The following ADAMTSL1 variants were observed in gnomAD, a reference collection of about 807,000 sequenced individuals.
The protein encoded by ADAMTSL1 is ADAMTS like 1, also known as ADAMTS-like protein 1.
Under a neutral mutation model 201.8 loss-of-function variants are expected in ADAMTSL1, and 126 were observed. The ratio of observed to expected loss-of-function variants is 0.62; its 90% confidence interval spans 0.54 to 0.72. The LOEUF is 0.72. Ranked by LOEUF, ADAMTSL1 falls within the 30% of genes least tolerant of loss-of-function variation. ADAMTSL1 has a pLI of 0.00. For synonymous variants in ADAMTSL1, 1,121 were observed against 903.4 expected (o/e 1.24, Z -4.32); for missense variants, 2,679 against 2,277.8 (o/e 1.18, Z -3.59).
intron 1 of ADAMTSL1, among the ~76,000 whole-genome samples, chr9:17,959,025 T>A (rs1357048525): frequency 1.3e-5 from 2 of 152,208 alleles, no homozygotes; most frequent in Non-Finnish European, 2.9e-5. Context: ...TAAAGTTTTC[T>A]GCCTGTGGGA....
At chr9:18,663,326 T>C (rs1013585073) in intron 9 of ADAMTSL1, among the ~76,000 whole-genome samples, 4 of 152,140 alleles carry the variant, frequency 2.6e-5, no homozygotes, top group African/African-American at 9.7e-5. Context: ...ATTTTATAAT[T>C]GTAAAATTTA....
intron 1 of ADAMTSL1, among the ~76,000 whole-genome samples, chr9:17,975,491 C>T (rs538865788): frequency 1.9e-3 from 293 of 152,112 alleles, no homozygotes; most frequent in Non-Finnish European, 3.6e-3. Flanking sequence ...GCACTAATAC[C>T]ATTCGTGAGG....
intron 15 of ADAMTSL1, among the ~76,000 whole-genome samples, chr9:18,739,149 C>T (rs983615508): frequency 5.9e-5 from 9 of 152,334 alleles, no homozygotes; most frequent in African/African-American, 2.2e-4. Flanking sequence ...GTTCTTACAG[C>T]AGTACCCAGC....
At chr9:18,532,430 C>A (rs761609247) in intron 2 of ADAMTSL1, among the ~76,000 whole-genome samples, 2 of 152,114 alleles carry the variant, frequency 1.3e-5, no homozygotes, top group Non-Finnish European at 2.9e-5. Context: ...ACCATACTAT[C>A]ATTTATCAAA....
At chr9:18,156,659 CACAT>C (rs893866319) in intron 1 of ADAMTSL1, among the ~76,000 whole-genome samples, 16 of 145,668 alleles carry the variant, frequency 1.1e-4, no homozygotes, top group Non-Finnish European at 2.1e-4. Context: ...CACACACACA[CACAT>C]GCTTTGAAGA....
intron 16 of ADAMTSL1, among the ~76,000 whole-genome samples, chr9:18,764,587 G>A (rs963796546): frequency 3.9e-5 from 6 of 152,162 alleles, no homozygotes; most frequent in Non-Finnish European, 7.4e-5. Context: ...GAGCTGGCAG[G>A]CATTGCTCAT....
rs1373095288 is a variant in ADAMTSL1, at chr9:18,051,173, C to T, written c.88-112689C>T. 5.3e-5 allele frequency among the ~76,000 whole-genome samples: 8 copies of T among 152,116 alleles called. No homozygotes were observed. The East Asian group carries it at 7.8e-4, about 15-fold the overall frequency. On this transcript the variant is annotated intron_variant, in intron 1 of 29. Transcript: ENST00000680146. Reference sequence around the variant, plus strand: ...AAAATTAGCCGGGTGTGGTGGCGGGCGCCTGTAGCCCCAGCTACTTGGGAG... The same window carrying T: ...AAAATTAGCCGGGTGTGGTGGCGGGTGCCTGTAGCCCCAGCTACTTGGGAG...
At chr9:18,738,014 C>T (rs750845183) in intron 15 of ADAMTSL1, among the ~76,000 whole-genome samples, 3 of 152,166 alleles carry the variant, frequency 2.0e-5, no homozygotes, top group East Asian at 1.9e-4. Flanking sequence ...GTACCTACCT[C>T]ATAGGGGTTT....
intron 23 of ADAMTSL1, among the ~76,000 whole-genome samples, chr9:18,885,754 G>C (rs758568542): frequency 9.9e-5 from 15 of 152,126 alleles, no homozygotes; most frequent in Non-Finnish European, 1.8e-4. Flanking sequence ...CAAAAATGAA[G>C]GGGAAAAAAA....
chr9:18,236,270 C>G (rs184064832), intron 2 of ADAMTSL1, among the ~76,000 whole-genome samples: 5 of 152,234 alleles, frequency 3.3e-5, no homozygotes, highest in Admixed American at 6.5e-5. Flanking sequence ...CGGGGTTTCA[C>G]TAAGTTGGCC....
chr9:18,578,002 T>C (rs1358850956), intron 4 of ADAMTSL1, among the ~76,000 whole-genome samples: 2 of 144,486 alleles, frequency 1.4e-5, no homozygotes, highest in Non-Finnish European at 1.5e-5. Context: ...TTTTTTTTTT[T>C]CCAGAGCACA....
At chr9:18,637,062 T>C (rs1347326353) in intron 6 of ADAMTSL1, among the ~76,000 whole-genome samples, 1 of 152,122 alleles carries the variant, frequency 6.6e-6, no homozygotes, top group Admixed American at 6.6e-5. Flanking sequence ...TCTTTCTAGA[T>C]ATAAAAATAA....
intron 1 of ADAMTSL1, among the ~76,000 whole-genome samples, chr9:18,078,393 C>T (rs537307727): frequency 8.5e-5 from 13 of 152,216 alleles, no homozygotes; most frequent in South Asian, 8.3e-4. Context: ...TGAGTTTCTA[C>T]ATTTCATCAC....
At chr9:18,260,264 G>A (rs998263188) in intron 2 of ADAMTSL1, among the ~76,000 whole-genome samples, 2 of 152,156 alleles carry the variant, frequency 1.3e-5, no homozygotes, top group African/African-American at 4.8e-5. Flanking sequence ...CTTTCACACA[G>A]CTCAGAGCAA....
chr9:18,319,413 G>A (rs1242161963), intron 2 of ADAMTSL1, among the ~76,000 whole-genome samples: 1 of 149,204 alleles, frequency 6.7e-6, no homozygotes, highest in African/African-American at 2.6e-5. Context: ...TAATCATCCT[G>A]TTATTATCAA....
chr9:18,149,928 C>T (rs1050416541), intron 1 of ADAMTSL1, among the ~76,000 whole-genome samples: 1 of 151,990 alleles, frequency 6.6e-6, no homozygotes, highest in African/African-American at 2.4e-5. Context: ...TATAGGCAGA[C>T]TTACAGTTTC....
chr9:18,151,705 G>A (rs1211832730), intron 1 of ADAMTSL1, among the ~76,000 whole-genome samples: 1 of 151,996 alleles, frequency 6.6e-6, no homozygotes, highest in Admixed American at 6.6e-5. Context: ...AAGGTAAGAT[G>A]AATTCCCAAA....
intron 23 of ADAMTSL1, among the ~76,000 whole-genome samples, chr9:18,864,115 A>G (rs918365307): frequency 1.3e-4 from 20 of 152,210 alleles, no homozygotes; most frequent in African/African-American, 4.6e-4. Context: ...GCAGTTAAAT[A>G]CGTGAAAATT....
chr9:18,838,341 G>C (rs1010712038), intron 23 of ADAMTSL1, among the ~76,000 whole-genome samples: 1 of 145,006 alleles, frequency 6.9e-6, no homozygotes, highest in Non-Finnish European at 1.5e-5. Context: ...ATTTGGGTGG[G>C]GACACAGCCA....
Sources: gnomAD v4.1 joint callset for allele counts (sites outside exome capture counted in the v4.1 genomes callset) on GRCh38, gnomAD v4.1.1 for gene constraint, MANE v1.5 for transcripts, NCBI Gene and HGNC (gene_info 2026-07-23, HGNC 2026-07-21) for gene names.